The following KDM6A variants were observed in gnomAD, a reference collection of about 807,000 sequenced individuals.
KDM6A encodes the protein lysine-specific demethylase 6A.
A neutral mutation model predicts 117.6 loss-of-function variants in KDM6A; 11 were observed. The ratio of observed to expected loss-of-function variants is 0.09; its 90% confidence interval spans 0.06 to 0.15. KDM6A has a LOEUF of 0.15. Ranked by LOEUF, KDM6A falls within the 10% of genes least tolerant of loss-of-function variation. KDM6A has a pLI of 1.00. For synonymous variants in KDM6A, 384 were observed against 396.1 expected, an observed-to-expected ratio of 0.97 and a Z score of 0.36; for missense variants, 799 against 1,077.3, an observed-to-expected ratio of 0.74 and a Z score of 3.62.
intron 5 of KDM6A, among the ~76,000 whole-genome samples, chrX:45,012,345 C>A (rs1375684697): frequency 4.6e-5 from 5 of 108,131 alleles, no homozygotes; most frequent in African/African-American, 1.7e-4. Context: ...GGATTACAGG[C>A]GCCCGCCACC....
intron 4 of KDM6A, among the ~76,000 whole-genome samples, chrX:44,979,890 C>A (rs899071460): frequency 3.6e-5 from 4 of 111,316 alleles, no homozygotes; most frequent in Admixed American, 1.9e-4. Context: ...CTGTTACGTT[C>A]CAGTGATCTG....
intron 7 of KDM6A, among the ~76,000 whole-genome samples, chrX:45,036,761 T>C (rs1431402767): frequency 1.8e-5 from 2 of 112,864 alleles, no homozygotes; most frequent in Admixed American, 9.3e-5. Flanking sequence ...AAGGTAACTT[T>C]GGTAAGTCAG....
intron 3 of KDM6A, among the ~76,000 whole-genome samples, chrX:44,971,792 G>A (rs144132509): frequency 0.038 from 4,223 of 111,239 alleles, 214 homozygotes; most frequent in African/African-American, 0.13. Flanking sequence ...GAGGGTTTAG[G>A]TAAAGTTTGT....
At chrX:44,894,275 A>C (rs1290969325) in intron 2 of KDM6A, among the ~76,000 whole-genome samples, 1 of 111,867 alleles carries the variant, frequency 8.9e-6, no homozygotes, top group African/African-American at 3.3e-5. Flanking sequence ...GAATGTGTAA[A>C]ATAGGTTTAA....
chrX:44,940,287 C>T (rs1040847276), intron 2 of KDM6A, among the ~76,000 whole-genome samples: 8 of 111,244 alleles, frequency 7.2e-5, no homozygotes, highest in African/African-American at 2.6e-4. Context: ...CTCCTGACCT[C>T]AAGTGATCCG....
At chrX:45,046,969 T>TTGG (rs2043564915) in intron 8 of KDM6A, among the ~76,000 whole-genome samples, 3 of 104,017 alleles carry the variant, frequency 2.9e-5, no homozygotes, top group African/African-American at 1.2e-4. Context: ...GTCTCTTTTA[T>TTGG]TGGTGGTGAT....
intron 6 of KDM6A, among the ~76,000 whole-genome samples, chrX:45,022,096 A>T (rs2042190523): frequency 8.9e-6 from 1 of 112,151 alleles, no homozygotes; most frequent in South Asian, 3.6e-4. Context: ...GTTGCTTAGG[A>T]AATACATTTG....
intron 8 of KDM6A, among the ~76,000 whole-genome samples, chrX:45,041,861 A>C (rs1315119295): frequency 9.0e-6 from 1 of 111,038 alleles, no homozygotes; most frequent in Non-Finnish European, 1.9e-5. Context: ...GCGGCTGGGC[A>C]GAGGCTGCAA....
At chrX:45,003,266 A>C (rs1446704864) in intron 4 of KDM6A, among the ~76,000 whole-genome samples, 2 of 110,798 alleles carry the variant, frequency 1.8e-5, no homozygotes, top group East Asian at 5.7e-4. Context: ...GGAACTGTCT[A>C]TCGTCCTGTC....
At chrX:45,093,177 G>C (rs1482412549) in intron 27 of KDM6A, among the ~76,000 whole-genome samples, 1 of 109,338 alleles carries the variant, frequency 9.1e-6, no homozygotes, top group African/African-American at 3.3e-5. Context: ...GAGGTCAGGA[G>C]TTTGAGACCA....
chrX:44,948,676 G>A (rs180845534), intron 2 of KDM6A, among the ~76,000 whole-genome samples: 2 of 111,855 alleles, frequency 1.8e-5, no homozygotes, highest in African/African-American at 6.5e-5. Flanking sequence ...TGTAATCTGG[G>A]AAAAAATATT....
At chrX:44,884,086 G>T (rs1253954282) in intron 2 of KDM6A, among the ~76,000 whole-genome samples, 1 of 70,086 alleles carries the variant, frequency 1.4e-5, no homozygotes, top group Non-Finnish European at 2.4e-5. Context: ...TGGGCAACAA[G>T]AGTGAAACTC....
chrX:45,063,297 A>G, intron 16 of KDM6A, 125 bp from the exon 17 acceptor site: 1 of 630,064 alleles, frequency 1.6e-6, no homozygotes, highest in Non-Finnish European at 2.6e-6. Flanking sequence ...GCATTTGGGT[A>G]AAATCACACA....
intron 2 of KDM6A, among the ~76,000 whole-genome samples, chrX:44,959,841 T>A (rs918481255): frequency 9.0e-6 from 1 of 111,606 alleles, no homozygotes; most frequent in African/African-American, 3.2e-5. Context: ...TTTTTAATTA[T>A]AGGGAAGCAG....
At position 45,063,837 on chromosome X, in the gene KDM6A, C is replaced by T. The variant is rs759523834; in HGVS notation, c.2079+20C>T. On this transcript the variant is annotated intron_variant, in intron 17 of 29. Coordinates refer to ENST00000611820, the MANE Select transcript of KDM6A (RefSeq NM_001291415.2). ...ACTCAGGTAATAGGAGGACTAGCTT[C>T]CTTGTTGGCTTTTCACATAAATGTT... 1.0e-5 allele frequency: 12 copies of T among 1,168,320 alleles called. No homozygotes were observed. The Admixed American group carries it at 1.7e-4, about 16-fold the overall frequency.
At chrX:45,020,576 AAAGTT>A (rs1178571581) in intron 5 of KDM6A, 29 bp from the exon 6 acceptor site, 5 of 1,197,761 alleles carry the variant, frequency 4.2e-6, no homozygotes, top group Non-Finnish European at 5.7e-6. Context: ...CACGTGTTAA[AAAGTT>A]AAGATATCTT....
Position 45,078,384 on chromosome X carries a change from T to C in KDM6A, c.2989-16T>C. ...TCTGTTTTCCTGAGATCTAACCACA[T>C]ATTTTAATTTTACAGTTGGAAAATA... On this transcript the variant is annotated splice_polypyrimidine_tract_variant and intron_variant, in intron 19 of 29. Coordinates refer to ENST00000611820, the MANE Select transcript of KDM6A (RefSeq NM_001291415.2). 8.4e-7 allele frequency: 1 copy of C among 1,193,312 alleles called. No homozygotes were observed. The highest frequency in any genetic ancestry group is 1.1e-6 in the Non-Finnish European group (1 of 880,379).
intron 29 of KDM6A, among the ~76,000 whole-genome samples, chrX:45,110,507 T>A (rs1280798920): frequency 1.8e-5 from 2 of 111,870 alleles, no homozygotes; most frequent in Non-Finnish European, 3.8e-5. Flanking sequence ...TTAAAAATCT[T>A]TGCGTGCTTT....
chrX:44,920,850 ATTTTTTCTT>A (rs773784496), intron 2 of KDM6A, among the ~76,000 whole-genome samples: 430 of 99,909 alleles, frequency 4.3e-3, no homozygotes, highest in Non-Finnish European at 7.8e-3. Flanking sequence ...TTGCTTTTTA[ATTTTTTCTT>A]TTTTTTCTTT....
Sources: allele counts gnomAD v4.1 joint callset (sites outside exome capture counted in the v4.1 genomes callset), GRCh38; gene constraint gnomAD v4.1.1; transcripts MANE v1.5; gene names NCBI Gene and HGNC (gene_info 2026-07-23, HGNC 2026-07-21).